DHRS3: variants seen among roughly 807,000 people sequenced by gnomAD.
DHRS3 encodes the protein short-chain dehydrogenase/reductase 3.
A neutral mutation model predicts 27.2 loss-of-function variants in DHRS3; 14 were observed. The observed-to-expected ratio is 0.52, with a 90% CI of 0.34 to 0.81. The LOEUF is 0.81. Ranked by LOEUF, DHRS3 falls within the 30% of genes least tolerant of loss-of-function variation. The pLI, the probability that DHRS3 is intolerant of heterozygous loss-of-function variation, is 0.01. For missense variants in DHRS3, 322 were observed against 406.2 expected (o/e 0.79, Z 1.78); for synonymous variants, 165 against 175.9 (o/e 0.94, Z 0.49).
intron 1 of DHRS3, among the ~76,000 whole-genome samples, chr1:12,612,030 C>T (rs919559649): frequency 6.6e-6 from 1 of 152,134 alleles, no homozygotes; most frequent in African/African-American, 2.4e-5. Context: ...AGGTAGACAC[C>T]TTTGTTCCCC....
At chr1:12,584,646 C>T (rs762031335) in intron 1 of DHRS3, among the ~76,000 whole-genome samples, 3 of 152,196 alleles carry the variant, frequency 2.0e-5, no homozygotes, top group Non-Finnish European at 4.4e-5. Flanking sequence ...GACCACCCAT[C>T]CCCTTGGCTA....
At chr1:12,584,631 GGA>G (rs1416749844) in intron 1 of DHRS3, among the ~76,000 whole-genome samples, 1 of 152,138 alleles carries the variant, frequency 6.6e-6, no homozygotes, top group African/African-American at 2.4e-5. Flanking sequence ...TTCTGTAAGA[GGA>G]GAGACCACCC....
chr1:12,613,882 G>C (rs2100729498), intron 1 of DHRS3, among the ~76,000 whole-genome samples: 1 of 152,234 alleles, frequency 6.6e-6, no homozygotes, highest in East Asian at 1.9e-4. Flanking sequence ...CACTTCTCCT[G>C]CCTCAGCCTC....
At chr1:12,580,759 G>T in intron 1 of DHRS3, 93 bp from the exon 2 acceptor site, 1 of 1,428,002 alleles carries the variant, frequency 7.0e-7, no homozygotes, top group Non-Finnish European at 9.5e-7. Flanking sequence ...AAAGTCATTT[G>T]TCTTGAAATG....
intron 1 of DHRS3, among the ~76,000 whole-genome samples, chr1:12,596,502 C>T (rs2100700094): frequency 1.3e-5 from 2 of 152,234 alleles, no homozygotes; most frequent in East Asian, 3.9e-4. Flanking sequence ...CCGTTGGCCG[C>T]GCACCGCCCC....
chr1:12,585,542 A>C (rs1169090162), intron 1 of DHRS3, among the ~76,000 whole-genome samples: 1 of 152,070 alleles, frequency 6.6e-6, no homozygotes, highest in Non-Finnish European at 1.5e-5. Context: ...CTGGCGCCTG[A>C]GTGAGCTGAG....
At chr1:12,605,548 G>A (rs888752429) in intron 1 of DHRS3, among the ~76,000 whole-genome samples, 2 of 152,080 alleles carry the variant, frequency 1.3e-5, no homozygotes, top group African/African-American at 4.8e-5. Context: ...CCACAATCAT[G>A]TACAAAGGGT....
chr1:12,603,580 C>T (rs1271287478), intron 1 of DHRS3, among the ~76,000 whole-genome samples: 4 of 152,104 alleles, frequency 2.6e-5, no homozygotes, highest in African/African-American at 9.7e-5. Context: ...GGACCTTGAA[C>T]CTCAGCTGGC....
At chr1:12,615,170 ATTATAAAGTAGCTCCAGAAG>A (rs1241448665) in intron 1 of DHRS3, among the ~76,000 whole-genome samples, 3 of 151,736 alleles carry the variant, frequency 2.0e-5, no homozygotes, top group African/African-American at 7.3e-5. Flanking sequence ...CAGAAGCCTC[ATTATAAAGTAGCTCCAGAAG>A]CCTCATTATA....
chr1:12,577,980 G>T (rs572395730), intron 4 of DHRS3, among the ~76,000 whole-genome samples: 1 of 151,970 alleles, frequency 6.6e-6, no homozygotes, highest in African/African-American at 2.4e-5. Flanking sequence ...TAGTTCCCTC[G>T]CCTCCCTCCC....
chr1:12,585,372 TGTGA>T lies in DHRS3; in HGVS notation c.196-4710_196-4707del, dbSNP rs1303378336. ...GTGTGAGTGTGTGTCTGTGTCTCTG[TGTGA>T]GTGTGTGTCTGTGTGTGACTGTGTG... On this transcript the variant is annotated intron_variant, in intron 1 of 5. Coordinates refer to ENST00000616661, the MANE Select transcript of DHRS3 (RefSeq NM_004753.7). Among the ~76,000 whole-genome samples, 14 of 129,192 alleles carry T rather than the reference TGTGA, an allele frequency of 1.1e-4. No homozygotes were observed. The East Asian group carries it at 2.1e-3, about 19-fold the overall frequency. 84.8% of individuals were successfully genotyped at this position (129,192 alleles called of 152,430 possible).
intron 4 of DHRS3, among the ~76,000 whole-genome samples, chr1:12,573,780 G>A (rs531084131): frequency 6.6e-6 from 1 of 152,206 alleles, no homozygotes; most frequent in Non-Finnish European, 1.5e-5. Flanking sequence ...TCTGACCCTA[G>A]ATCCAAACAA....
At chr1:12,579,022 G>C (rs182935655) in intron 3 of DHRS3, 66 bp from the exon 4 acceptor site, 5 of 1,453,890 alleles carry the variant, frequency 3.4e-6, no homozygotes, top group Non-Finnish European at 4.7e-6. Flanking sequence ...CCTTTCTTTC[G>C]GGGAGAACAG....
rs1646958052 is a variant in DHRS3, at chr1:12,618,093, C to G, written c.-745G>C. Among the ~76,000 whole-genome samples, 1 of 152,100 alleles carries G rather than the reference C, an allele frequency of 6.6e-6. No individual in the cohort carries two copies. The highest frequency in any genetic ancestry group is 2.4e-5 in the African/African-American group (1 of 41,422). The stretch of plus-strand genomic sequence containing the variant: ...CTCCCTCCCTCCCTCTCTGTTCCAG[C>G]AGAGGCTGGGAGTTGCCGCTCGATC... On this transcript the variant is annotated 5_prime_UTR_variant, in exon 1 of 6. Coordinates refer to ENST00000616661, the MANE Select transcript of DHRS3 (RefSeq NM_004753.7). The surrounding 1 kb of genome is among the most constrained non-coding windows in gnomAD (Gnocchi z 4.2).
chr1:12,616,412 A>G (rs1389384102), intron 1 of DHRS3: 1 of 374,510 alleles, frequency 2.7e-6, no homozygotes, highest in Non-Finnish European at 3.7e-6. Flanking sequence ...CAGGACCACC[A>G]AAAAGTTAAA....
intron 1 of DHRS3, among the ~76,000 whole-genome samples, chr1:12,605,270 TATCA>T (rs936716235): frequency 6.6e-6 from 1 of 152,154 alleles, no homozygotes; most frequent in African/African-American, 2.4e-5. Flanking sequence ...TTATGTACAG[TATCA>T]ATCTTGTATA....
At chr1:12,607,847 A>ATGTGTGTGTGTGTATG (rs1223443857) in intron 1 of DHRS3, among the ~76,000 whole-genome samples, 1 of 151,398 alleles carries the variant, frequency 6.6e-6, no homozygotes, top group Non-Finnish European at 1.5e-5. Flanking sequence ...ATTTGTGTAT[A>ATGTGTGTGTGTGTATG]TGTGTGTGTG....
Position 12,568,141 on chromosome 1 carries a change from C to T in DHRS3, c.*199G>A. 1 of 540,428 alleles carries T rather than the reference C, an allele frequency of 1.9e-6. No homozygotes were observed. Among genetic ancestry groups the T allele is most frequent in the East Asian group, 3.1e-5 (1 of 32,088 alleles). 33.5% of individuals were successfully genotyped at this position (540,428 alleles called of 1,614,324 possible). ...GTGGCTTCTGGCTGTTTTCCTGCCT[C>T]CCTGTGGGGGTCAGTTATACCCATC... On this transcript the variant is annotated 3_prime_UTR_variant, in exon 6 of 6. Coordinates refer to ENST00000616661, the MANE Select transcript of DHRS3 (RefSeq NM_004753.7).
Position 12,606,311 on chromosome 1 carries a change from CA to C in DHRS3, c.195+10842del, listed in dbSNP as rs56928608. 4.6e-3 allele frequency among the ~76,000 whole-genome samples: 450 copies of C among 98,214 alleles called. 5 individuals carry two copies. The highest frequency in any genetic ancestry group is 0.016 in the African/African-American group (374 of 23,790). The allele number at this position is 98,214 out of a possible 152,430, so 64.4% of individuals were successfully genotyped here. A position where few individuals can be genotyped will look rare whatever the true frequency, so the allele number is the denominator to read the frequency against. ...ACTGAAGAGGACTGACAATTAACAG[CA>C]AAAAAAAAAAAAAAAAAGCCAATAC... On this transcript the variant is annotated intron_variant, in intron 1 of 5. Coordinates refer to ENST00000616661, the MANE Select transcript of DHRS3 (RefSeq NM_004753.7).
Sources: gnomAD v4.1 joint callset for allele counts (sites outside exome capture counted in the v4.1 genomes callset) on GRCh38, gnomAD v4.1.1 for gene constraint, Gnocchi (gnomAD v3.1) non-coding constraint, MANE v1.5 for transcripts, NCBI Gene and HGNC (gene_info 2026-07-23, HGNC 2026-07-21) for gene names.